The following ANTXR1 variants were observed in gnomAD, a reference collection of about 807,000 sequenced individuals.
ANTXR1 encodes the protein ANTXR cell adhesion molecule 1.
A neutral mutation model predicts 78.1 loss-of-function variants in ANTXR1; 19 were observed. That is an observed-to-expected ratio of 0.24 (90% CI 0.17 to 0.36). ANTXR1 has a LOEUF of 0.36. Ranked by LOEUF, ANTXR1 falls within the 10% of genes least tolerant of loss-of-function variation. ANTXR1 has a pLI of 1.00. For synonymous variants in ANTXR1, 273 were observed against 260.5 expected (o/e 1.05, Z -0.46); for missense variants, 518 against 718.6 (o/e 0.72, Z 3.19).
intron 2 of ANTXR1, among the ~76,000 whole-genome samples, chr2:69,041,084 C>A (rs1373519893): frequency 1.3e-5 from 2 of 152,004 alleles, no homozygotes; most frequent in Non-Finnish European, 2.9e-5. Flanking sequence ...AAATTGGAAG[C>A]TACAGCAGGA....
chr2:69,101,465 A>C (rs927521843), intron 9 of ANTXR1, among the ~76,000 whole-genome samples: 2 of 152,148 alleles, frequency 1.3e-5, no homozygotes, highest in African/African-American at 4.8e-5. Flanking sequence ...CAGTTGTCTC[A>C]TCTGTACCTC....
At chr2:69,036,783 A>C (rs1204354987) in intron 1 of ANTXR1, among the ~76,000 whole-genome samples, 1 of 152,204 alleles carries the variant, frequency 6.6e-6, no homozygotes, top group Non-Finnish European at 1.5e-5. Flanking sequence ...ATAGGCAGTC[A>C]TGTGGCATAT....
intron 3 of ANTXR1, among the ~76,000 whole-genome samples, chr2:69,057,959 A>C (rs1040327993): frequency 4.6e-5 from 7 of 152,258 alleles, no homozygotes; most frequent in Non-Finnish European, 1.0e-4. Context: ...ATAGAAGATC[A>C]AAACAGCCAC....
At chr2:69,058,390 GA>G (rs1281638874) in intron 3 of ANTXR1, among the ~76,000 whole-genome samples, 6 of 152,110 alleles carry the variant, frequency 3.9e-5, no homozygotes, top group Non-Finnish European at 8.8e-5. Flanking sequence ...TTACCATTCT[GA>G]AAATCCTAGG....
At chr2:69,161,207 G>A (rs566656743) in intron 13 of ANTXR1, among the ~76,000 whole-genome samples, 1 of 152,328 alleles carries the variant, frequency 6.6e-6, no homozygotes, top group South Asian at 2.1e-4. Context: ...CATACCATCT[G>A]ATGGAGACCA....
intron 3 of ANTXR1, among the ~76,000 whole-genome samples, chr2:69,064,293 T>G (rs1449673029): frequency 6.6e-6 from 1 of 152,210 alleles, no homozygotes; most frequent in Non-Finnish European, 1.5e-5. Context: ...TAGGCTCAGC[T>G]GGGAAATACA....
chr2:69,075,482 T>C (rs1375927651), intron 6 of ANTXR1, 108 bp from the exon 7 acceptor site: 5 of 1,056,234 alleles, frequency 4.7e-6, no homozygotes, highest in African/African-American at 1.6e-5. Context: ...ACCAGGCACA[T>C]GGTAGGTGCT....
At chr2:69,091,377 G>A (rs1049360080) in intron 9 of ANTXR1, among the ~76,000 whole-genome samples, 2 of 148,288 alleles carry the variant, frequency 1.3e-5, no homozygotes, top group African/African-American at 5.1e-5. Context: ...GGAGGCAGAG[G>A]TTGGGTTGCA....
chr2:69,036,266 G>A (rs186073651), intron 1 of ANTXR1, among the ~76,000 whole-genome samples: 3 of 152,074 alleles, frequency 2.0e-5, no homozygotes, highest in Non-Finnish European at 4.4e-5. Flanking sequence ...ATATTTACAG[G>A]GTACATGAGA....
chr2:69,073,977 T>C (rs1423681775), intron 6 of ANTXR1, among the ~76,000 whole-genome samples: 2 of 152,214 alleles, frequency 1.3e-5, no homozygotes, highest in East Asian at 3.9e-4. Flanking sequence ...TAAATTCAGC[T>C]CTTTCCACAA....
chr2:69,222,821 G>T (rs1558656587), intron 17 of ANTXR1, among the ~76,000 whole-genome samples: 1 of 152,244 alleles, frequency 6.6e-6, no homozygotes, highest in Non-Finnish European at 1.5e-5. Context: ...GACATTTGTG[G>T]TGTATAAACC....
At chr2:69,226,591 C>T (rs970666006) in intron 17 of ANTXR1, among the ~76,000 whole-genome samples, 1 of 152,060 alleles carries the variant, frequency 6.6e-6, no homozygotes, top group African/African-American at 2.4e-5. Context: ...AGTCAGAGGC[C>T]CATCCAGGTA....
chr2:69,033,797 T>G (rs1671598645), intron 1 of ANTXR1, among the ~76,000 whole-genome samples: 1 of 152,232 alleles, frequency 6.6e-6, no homozygotes, highest in Non-Finnish European at 1.5e-5. Flanking sequence ...ACTTTCTTTT[T>G]CCCTTTTATT....
chr2:69,074,830 C>T (rs1443049656), intron 6 of ANTXR1, among the ~76,000 whole-genome samples: 1 of 152,166 alleles, frequency 6.6e-6, no homozygotes, highest in African/African-American at 2.4e-5. Flanking sequence ...ATTAAGCACC[C>T]ACTGTAAGTG....
At chr2:69,221,197 G>A (rs1220274560) in intron 17 of ANTXR1, among the ~76,000 whole-genome samples, 1 of 152,202 alleles carries the variant, frequency 6.6e-6, no homozygotes, top group Non-Finnish European at 1.5e-5. Flanking sequence ...CAGAGGAGCA[G>A]AGCCCAGTGG....
intron 3 of ANTXR1, among the ~76,000 whole-genome samples, chr2:69,068,792 G>T (rs1558511499): frequency 6.6e-6 from 1 of 152,266 alleles, no homozygotes. Flanking sequence ...CCATTCAAAA[G>T]ATAGCAGGTG....
At chr2:69,023,590 C>T (rs1671261665) in intron 1 of ANTXR1, among the ~76,000 whole-genome samples, 1 of 151,894 alleles carries the variant, frequency 6.6e-6, no homozygotes, top group Non-Finnish European at 1.5e-5. Context: ...GAATATGGTC[C>T]TCTAACAAAA....
At chr2:69,113,595 G>C (rs1408266050) in intron 10 of ANTXR1, among the ~76,000 whole-genome samples, 1 of 152,098 alleles carries the variant, frequency 6.6e-6, no homozygotes, top group Non-Finnish European at 1.5e-5. Context: ...CCTCTCCTCT[G>C]AGTTTCTCTG....
At chr2:69,143,425 G>A (rs922269585) in intron 12 of ANTXR1, among the ~76,000 whole-genome samples, 3 of 152,130 alleles carry the variant, frequency 2.0e-5, no homozygotes, top group Non-Finnish European at 4.4e-5. Context: ...AGAAAATCAC[G>A]CAGCTTTGAA....
Sources: gnomAD v4.1 joint callset for allele counts (sites outside exome capture counted in the v4.1 genomes callset) on GRCh38, gnomAD v4.1.1 for gene constraint, MANE v1.5 for transcripts, NCBI Gene and HGNC (gene_info 2026-07-23, HGNC 2026-07-21) for gene names.